Variants in PTPRE observed in about 807,000 individuals in gnomAD.
PTPRE encodes the protein protein tyrosine phosphatase receptor type E.
In PTPRE, 51 loss-of-function variants were observed where a neutral mutation model predicts 102.0. The observed-to-expected ratio is 0.50, with a 90% CI of 0.40 to 0.63. The LOEUF (loss-of-function observed/expected upper bound fraction) is 0.63. PTPRE is among the 30% of genes least tolerant of loss of function. The pLI, the probability that PTPRE is intolerant of heterozygous loss-of-function variation, is 0.00. For missense variants in PTPRE, 752 were observed against 915.1 expected (o/e 0.82, Z 2.30); for synonymous variants, 345 against 348.2 (o/e 0.99, Z 0.10).
intron 1 of PTPRE, among the ~76,000 whole-genome samples, chr10:127,963,690 A>G (rs894501707): frequency 6.7e-6 from 1 of 149,402 alleles, no homozygotes; most frequent in Non-Finnish European, 1.5e-5. Flanking sequence ...GTGTGTGTGC[A>G]TGCATGCGTG....
intron 20 of PTPRE, among the ~76,000 whole-genome samples, chr10:128,082,472 C>G (rs1040155595): frequency 2.6e-5 from 4 of 151,478 alleles, no homozygotes; most frequent in African/African-American, 9.7e-5. Context: ...GCCTCAGCCT[C>G]TCAAAGTGCT....
chr10:127,955,227 T>C, intron 1 of PTPRE, among the ~76,000 whole-genome samples: 1 of 152,046 alleles, frequency 6.6e-6, no homozygotes, highest in African/African-American at 2.4e-5. Context: ...GAATGAAGGT[T>C]TAGGTAACTC....
intron 1 of PTPRE, among the ~76,000 whole-genome samples, chr10:127,917,349 T>C (rs913844230): frequency 1.1e-4 from 16 of 152,074 alleles, no homozygotes; most frequent in Non-Finnish European, 1.9e-4. Flanking sequence ...GTGCCAATGT[T>C]TGTGCTTCAC....
At chr10:127,949,085 T>G (rs1413247403) in intron 1 of PTPRE, among the ~76,000 whole-genome samples, 2 of 152,240 alleles carry the variant, frequency 1.3e-5, no homozygotes, top group Non-Finnish European at 2.9e-5. Context: ...ATCCATCCCC[T>G]GGTTCTCAGG....
chr10:127,968,891 C>T (rs895053095), intron 1 of PTPRE, among the ~76,000 whole-genome samples: 1 of 152,176 alleles, frequency 6.6e-6, no homozygotes, highest in African/African-American at 2.4e-5. Context: ...TCCTAGCTGA[C>T]AAGGCAAAAA....
intron 2 of PTPRE, among the ~76,000 whole-genome samples, chr10:128,022,312 G>C (rs1043239548): frequency 2.0e-5 from 3 of 152,238 alleles, no homozygotes; most frequent in African/African-American, 7.2e-5. Context: ...GAGGAAACAA[G>C]GCAGGGCCAG....
chr10:128,076,790 T>A, intron 18 of PTPRE, 62 bp downstream of exon 18: 1 of 1,596,932 alleles, frequency 6.3e-7, no homozygotes, highest in Admixed American at 1.8e-5. Context: ...TCCCTCTGGG[T>A]TCTGCTTGTC....
rs35709074 is a variant in PTPRE, at chr10:128,082,195, C to CTT, written c.2029-610_2029-609dup. 2.9e-3 allele frequency among the ~76,000 whole-genome samples: 255 copies of CTT among 89,032 alleles called. 27 individuals are homozygous for CTT. Among genetic ancestry groups the CTT allele is most frequent in the African/African-American group, 7.3e-3 (160 of 21,990 alleles). The allele number at this position is 89,032 out of a possible 152,430, so 58.4% of individuals were successfully genotyped here. On this transcript the variant is annotated intron_variant, in intron 20 of 20. Transcript: ENST00000254667. ...TTAGTACTCTGATTTTTTTCTCTTT[C>CTT]TTTTTTTTTTTTTTTTTTTTTTTTT...
At chr10:127,911,297 A>G (rs1227845971) in intron 1 of PTPRE, among the ~76,000 whole-genome samples, 2 of 152,178 alleles carry the variant, frequency 1.3e-5, no homozygotes, top group Non-Finnish European at 2.9e-5. Flanking sequence ...CTTACCATGA[A>G]GGCATTCATT....
intron 2 of PTPRE, among the ~76,000 whole-genome samples, chr10:128,025,503 A>G (rs1846229347): frequency 6.6e-6 from 1 of 152,200 alleles, no homozygotes; most frequent in African/African-American, 2.4e-5. Context: ...AGTAAACTGC[A>G]GACATCACCT....
At chr10:127,989,749 T>G (rs1439890228) in intron 2 of PTPRE, among the ~76,000 whole-genome samples, 2 of 152,284 alleles carry the variant, frequency 1.3e-5, no homozygotes, top group Non-Finnish European at 2.9e-5. Context: ...CTGTGGATTC[T>G]GCAAACGGTT....
At chr10:127,917,806 G>T (rs1454506078) in intron 1 of PTPRE, among the ~76,000 whole-genome samples, 1 of 152,122 alleles carries the variant, frequency 6.6e-6, no homozygotes, top group Non-Finnish European at 1.5e-5. Flanking sequence ...AAGGTAGGTG[G>T]ATCACATGAG....
At chr10:127,960,130 G>T (rs775235079) in intron 1 of PTPRE, among the ~76,000 whole-genome samples, 1 of 152,172 alleles carries the variant, frequency 6.6e-6, no homozygotes, top group African/African-American at 2.4e-5. Context: ...TCCAGCTTGG[G>T]CATGCTTGCT....
intron 1 of PTPRE, among the ~76,000 whole-genome samples, chr10:127,924,135 A>C (rs1564800235): frequency 6.6e-6 from 1 of 152,204 alleles, no homozygotes; most frequent in Non-Finnish European, 1.5e-5. Context: ...TTTGTAGAGA[A>C]AGAGTTTGTG....
chr10:127,918,351 G>A (rs374887485), intron 1 of PTPRE, among the ~76,000 whole-genome samples: 12 of 152,214 alleles, frequency 7.9e-5, no homozygotes, highest in African/African-American at 2.9e-4. Context: ...GAGGTCAGGA[G>A]ATCAAGACCA....
chr10:127,914,401 T>A (rs1846067797), intron 1 of PTPRE, among the ~76,000 whole-genome samples: 1 of 152,230 alleles, frequency 6.6e-6, no homozygotes, highest in South Asian at 2.1e-4. Context: ...GGCCTGTTTT[T>A]CTGACACTAT....
intron 1 of PTPRE, among the ~76,000 whole-genome samples, chr10:127,939,148 C>T (rs979952185): frequency 1.2e-4 from 18 of 152,196 alleles, no homozygotes; most frequent in African/African-American, 4.3e-4. Flanking sequence ...CATTGAAATC[C>T]TTTTCCAGAC....
intron 1 of PTPRE, among the ~76,000 whole-genome samples, chr10:127,972,606 T>C (rs1445376221): frequency 6.6e-6 from 1 of 152,184 alleles, no homozygotes; most frequent in East Asian, 1.9e-4. Flanking sequence ...CACCCAACAT[T>C]CTCTCACTGG....
At chr10:127,918,176 G>A (rs1050853470) in intron 1 of PTPRE, among the ~76,000 whole-genome samples, 1 of 152,174 alleles carries the variant, frequency 6.6e-6, no homozygotes, top group African/African-American at 2.4e-5. Flanking sequence ...GGACAAACAG[G>A]AGTCACCCTG....
Sources: allele counts gnomAD v4.1 joint callset (sites outside exome capture counted in the v4.1 genomes callset), GRCh38; gene constraint gnomAD v4.1.1; transcripts MANE v1.5; gene names NCBI Gene and HGNC (gene_info 2026-07-23, HGNC 2026-07-21).